SLC25A21: variants seen among roughly 807,000 people sequenced by gnomAD.
SLC25A21 encodes mitochondrial 2-oxodicarboxylate carrier.
SLC25A21 carries 47 observed loss-of-function variants against 43.8 expected under a neutral mutation model. The observed-to-expected ratio is 1.07, with a 90% CI of 0.85 to 1.37. The LOEUF is 1.37. Among genes scored for constraint, SLC25A21 ranks in the 40% most tolerant of loss-of-function variants. The pLI is 0.00. For synonymous variants in SLC25A21, 131 were observed against 121.3 expected, an observed-to-expected ratio of 1.08 and a Z score of -0.52; for missense variants, 352 against 350.2, an observed-to-expected ratio of 1.00 and a Z score of -0.04.
intron 1 of SLC25A21, among the ~76,000 whole-genome samples, chr14:36,993,877 A>G: frequency 6.6e-6 from 1 of 152,318 alleles, no homozygotes; most frequent in Non-Finnish European, 1.5e-5. Flanking sequence ...GAAAATGACT[A>G]CATTCGATGA....
chr14:36,735,631 C>T (rs1566554128), intron 3 of SLC25A21, among the ~76,000 whole-genome samples: 1 of 152,124 alleles, frequency 6.6e-6, no homozygotes, highest in Non-Finnish European at 1.5e-5. Context: ...CACTGTACCA[C>T]CCAAACCAAC....
chr14:36,687,905 A>G (rs1276197006), intron 7 of SLC25A21, among the ~76,000 whole-genome samples: 1 of 152,108 alleles, frequency 6.6e-6, no homozygotes, highest in African/African-American at 2.4e-5. Context: ...TGCTTTTGGT[A>G]TCTCCCTACT....
intron 3 of SLC25A21, among the ~76,000 whole-genome samples, chr14:36,779,335 A>G (rs1197127394): frequency 6.9e-6 from 1 of 144,556 alleles, no homozygotes; most frequent in Non-Finnish European, 1.5e-5. Flanking sequence ...AATATTATCC[A>G]GCCTTTTAAA....
chr14:37,147,096 A>G (rs566525731), intron 1 of SLC25A21, among the ~76,000 whole-genome samples: 2 of 152,242 alleles, frequency 1.3e-5, no homozygotes, highest in East Asian at 3.9e-4. Flanking sequence ...GACCCTCTAG[A>G]ACTCCTTCAC....
At chr14:36,970,353 G>A (rs867503748) in intron 1 of SLC25A21, among the ~76,000 whole-genome samples, 1 of 152,126 alleles carries the variant, frequency 6.6e-6, no homozygotes, top group East Asian at 1.9e-4. Flanking sequence ...ATGAATAGAT[G>A]AGCCTAAGAG....
At chr14:37,063,218 G>A (rs1189200461) in intron 1 of SLC25A21, among the ~76,000 whole-genome samples, 4 of 152,110 alleles carry the variant, frequency 2.6e-5, no homozygotes, top group African/African-American at 9.7e-5. Flanking sequence ...TGAGATTTGG[G>A]TCCAGGTGAG....
intron 1 of SLC25A21, among the ~76,000 whole-genome samples, chr14:37,067,281 A>T (rs1448165561): frequency 6.6e-6 from 1 of 152,188 alleles, no homozygotes; most frequent in Non-Finnish European, 1.5e-5. Flanking sequence ...CATTACTCCA[A>T]AAAATGAAGT....
At chr14:37,017,715 CTTATTA>C (rs999114335) in intron 1 of SLC25A21, among the ~76,000 whole-genome samples, 8 of 151,958 alleles carry the variant, frequency 5.3e-5, no homozygotes, top group South Asian at 2.1e-4. Context: ...TCTAAAATCA[CTTATTA>C]TTATTATTAT....
intron 1 of SLC25A21, among the ~76,000 whole-genome samples, chr14:36,978,160 T>G (rs1959925277): frequency 6.6e-6 from 1 of 152,148 alleles, no homozygotes; most frequent in Non-Finnish European, 1.5e-5. Flanking sequence ...TTCTGAGAAG[T>G]GGCAGAACTG....
chr14:36,779,459 A>T (rs985525949), intron 3 of SLC25A21, among the ~76,000 whole-genome samples: 5 of 101,930 alleles, frequency 4.9e-5, no homozygotes, highest in African/African-American at 1.5e-4. Context: ...AGAAGGAATT[A>T]TATATATATA....
At chr14:36,882,621 A>G (rs2138570012) in intron 1 of SLC25A21, among the ~76,000 whole-genome samples, 1 of 152,228 alleles carries the variant, frequency 6.6e-6, no homozygotes, top group East Asian at 1.9e-4. Context: ...CCACTGAAGA[A>G]GTTCTCTACC....
intron 7 of SLC25A21, among the ~76,000 whole-genome samples, chr14:36,709,528 A>AG (rs1390919968): frequency 6.6e-6 from 1 of 152,306 alleles, no homozygotes; most frequent in East Asian, 1.9e-4. Flanking sequence ...GTCAGTCACT[A>AG]GGGGGGTCTA....
At chr14:36,729,445 T>G in intron 5 of SLC25A21, 62 bp downstream of exon 5, 1 of 1,278,244 alleles carries the variant, frequency 7.8e-7, no homozygotes, top group South Asian at 1.5e-5. Flanking sequence ...AGAGTTTTTG[T>G]TTCTAGATTT....
chr14:36,827,267 C>A (rs1287494008), intron 2 of SLC25A21, among the ~76,000 whole-genome samples: 2 of 152,140 alleles, frequency 1.3e-5, no homozygotes, highest in African/African-American at 4.8e-5. Context: ...AGAATTCAGA[C>A]AGAATCACTG....
chr14:36,686,975 G>A lies in SLC25A21; in HGVS notation c.604-2050C>T, dbSNP rs535625741. 1.3e-4 allele frequency among the ~76,000 whole-genome samples: 20 copies of A among 152,238 alleles called. 1 individual carries two copies. The highest frequency in any genetic ancestry group is 4.1e-4 in the African/African-American group (17 of 41,540). Reference sequence around the variant, plus strand: ...TTGTTTGTATTTATTTATTTGAGATGGAGTCTCACTCTGTTGCCCAGGCTG... The same window carrying A: ...TTGTTTGTATTTATTTATTTGAGATAGAGTCTCACTCTGTTGCCCAGGCTG... On this transcript the variant is annotated intron_variant, in intron 7 of 9. Coordinates refer to ENST00000331299, the MANE Select transcript of SLC25A21 (RefSeq NM_030631.4).
intron 1 of SLC25A21, among the ~76,000 whole-genome samples, chr14:37,077,668 G>C (rs1163030071): frequency 6.6e-6 from 1 of 152,164 alleles, no homozygotes; most frequent in Non-Finnish European, 1.5e-5. Flanking sequence ...ATGGGTAGTT[G>C]TAAAAATATT....
chr14:36,842,018 C>T (rs17105490), intron 2 of SLC25A21, among the ~76,000 whole-genome samples: 2,348 of 152,268 alleles, frequency 0.015, 72 homozygotes, highest in African/African-American at 0.054. Flanking sequence ...TAGATTAGTG[C>T]TAAATTCTCT....
intron 2 of SLC25A21, among the ~76,000 whole-genome samples, chr14:36,855,541 T>C (rs751231281): frequency 6.6e-6 from 1 of 152,120 alleles, no homozygotes; most frequent in Non-Finnish European, 1.5e-5. Context: ...TCCAGTCCAG[T>C]GGTTTTCAGT....
chr14:36,841,065 C>T (rs1473790511), intron 2 of SLC25A21, among the ~76,000 whole-genome samples: 6 of 152,096 alleles, frequency 3.9e-5, no homozygotes, highest in Non-Finnish European at 8.8e-5. Context: ...TTCCTTTTCT[C>T]CTTTTATGAC....
Sources: gnomAD v4.1 joint callset for allele counts (sites outside exome capture counted in the v4.1 genomes callset) on GRCh38, gnomAD v4.1.1 for gene constraint, MANE v1.5 for transcripts, NCBI Gene and HGNC (gene_info 2026-07-23, HGNC 2026-07-21) for gene names.